The following CAMTA1 variants were observed in gnomAD, a reference collection of about 807,000 sequenced individuals.
CAMTA1 encodes calmodulin binding transcription activator 1.
Under a neutral mutation model 170.9 loss-of-function variants are expected in CAMTA1, and 27 were observed. That is an observed-to-expected ratio of 0.16 (90% CI 0.12 to 0.22). CAMTA1 has a LOEUF of 0.22. Among genes scored for constraint, CAMTA1 ranks in the 10% least tolerant of loss-of-function variants. CAMTA1 has a pLI of 1.00. For missense variants in CAMTA1, 1,619 were observed against 2,217.2 expected, an observed-to-expected ratio of 0.73 and a Z score of 5.42; for synonymous variants, 833 against 891.5, an observed-to-expected ratio of 0.93 and a Z score of 1.17.
At chr1:7,488,346 G>C (rs1290733413) in intron 6 of CAMTA1, among the ~76,000 whole-genome samples, 2 of 152,064 alleles carry the variant, frequency 1.3e-5, no homozygotes, top group African/African-American at 4.8e-5. Flanking sequence ...CCAGACCCTG[G>C]TGTCTGGCAC....
In CAMTA1 at chr1:6,994,029, TA is replaced by T. The variant is rs964915472; in HGVS notation, c.235-97273del. Among the ~76,000 whole-genome samples, 71 of 152,286 alleles carry T rather than the reference TA, an allele frequency of 4.7e-4. 1 individual carries two copies. The highest frequency in any genetic ancestry group is 1.7e-3 in the African/African-American group (70 of 41,536). ...CACTAGGGAATGTAATGTATATTCT[TA>T]ACTTTTCACAATCTACATGTAGTTA... On this transcript the variant is annotated intron_variant, in intron 3 of 22. Coordinates refer to ENST00000303635, the MANE Select transcript of CAMTA1 (RefSeq NM_015215.4).
At chr1:7,442,039 C>A (rs1009868938) in intron 5 of CAMTA1, among the ~76,000 whole-genome samples, 2 of 151,836 alleles carry the variant, frequency 1.3e-5, no homozygotes, top group Non-Finnish European at 2.9e-5. Flanking sequence ...CCCAGGACTT[C>A]CCCAGCGCTG....
chr1:7,527,909 C>T (rs1439839622), intron 6 of CAMTA1, among the ~76,000 whole-genome samples: 1 of 152,196 alleles, frequency 6.6e-6, no homozygotes, highest in Non-Finnish European at 1.5e-5. Flanking sequence ...GGACAAACAG[C>T]AGCACCAATG....
chr1:7,095,131 C>T (rs1319319504), intron 4 of CAMTA1, among the ~76,000 whole-genome samples: 1 of 150,234 alleles, frequency 6.7e-6, no homozygotes, highest in African/African-American at 2.5e-5. Flanking sequence ...CACACTGTGT[C>T]TGTCGCAGTT....
chr1:7,102,916 A>G (rs896554375), intron 4 of CAMTA1, among the ~76,000 whole-genome samples: 1 of 151,928 alleles, frequency 6.6e-6, no homozygotes, highest in African/African-American at 2.4e-5. Flanking sequence ...TCTTCTCTTT[A>G]CTCGGTGAAT....
At chr1:6,929,908 G>A (rs921037913) in intron 3 of CAMTA1, among the ~76,000 whole-genome samples, 5 of 152,176 alleles carry the variant, frequency 3.3e-5, no homozygotes, top group African/African-American at 4.8e-5. Context: ...CGGTCCATGA[G>A]CACCTAGGAG....
chr1:6,870,729 C>G (rs898238064), intron 3 of CAMTA1, among the ~76,000 whole-genome samples: 1 of 152,118 alleles, frequency 6.6e-6, no homozygotes, highest in African/African-American at 2.4e-5. Context: ...CTGCCATTTA[C>G]TCTTCTGTAT....
rs570099818 is a variant in CAMTA1, at chr1:7,424,778, G to A, written c.439-43052G>A. Among the ~76,000 whole-genome samples, 13 of 152,230 alleles carry A rather than the reference G, an allele frequency of 8.5e-5. No individual in the cohort carries two copies. The South Asian group carries it at 2.7e-3, about 32-fold the overall frequency. ...TTGCAGCTCGGATAAGGTGAAATGG[G>A]TCCTTGGCCAAGTTCAACAGTCTGG... On this transcript the variant is annotated intron_variant, in intron 5 of 22. Transcript: ENST00000303635.
intron 5 of CAMTA1, among the ~76,000 whole-genome samples, chr1:7,319,540 G>A (rs563964807): frequency 3.3e-5 from 5 of 152,248 alleles, no homozygotes; most frequent in Admixed American, 1.3e-4. Flanking sequence ...CTGTGGAACC[G>A]TGAGCCAATT....
chr1:7,550,735 C>T (rs1172207900), intron 6 of CAMTA1, among the ~76,000 whole-genome samples: 1 of 150,630 alleles, frequency 6.6e-6, no homozygotes, highest in African/African-American at 2.4e-5. Flanking sequence ...GACTCCTCCC[C>T]ACTGAACCCT....
intron 3 of CAMTA1, among the ~76,000 whole-genome samples, chr1:6,942,853 T>G (rs1030573485): frequency 2.0e-5 from 3 of 152,126 alleles, no homozygotes; most frequent in African/African-American, 7.2e-5. Flanking sequence ...GACACGATGT[T>G]TGCGTGTTTA....
At chr1:6,995,285 T>C (rs28826710) in intron 3 of CAMTA1, among the ~76,000 whole-genome samples, 1 of 140,166 alleles carries the variant, frequency 7.1e-6, no homozygotes, top group East Asian at 2.1e-4. Flanking sequence ...TAAAATCTTT[T>C]TTTTCTTTTC....
intron 11 of CAMTA1, among the ~76,000 whole-genome samples, chr1:7,714,059 C>T (rs1478847893): frequency 2.0e-5 from 3 of 152,066 alleles, no homozygotes; most frequent in Non-Finnish European, 4.4e-5. Context: ...CTTTCCACCA[C>T]GAATTGTGGA....
chr1:7,674,916 C>T lies in CAMTA1; in HGVS notation c.2780-2683C>T, dbSNP rs1558106147. 6.6e-6 allele frequency among the ~76,000 whole-genome samples: 1 copy of T among 152,210 alleles called. No individual in the cohort carries two copies. Among genetic ancestry groups the T allele is most frequent in the East Asian group, 1.9e-4 (1 of 5,202 alleles). On this transcript the variant is annotated intron_variant, in intron 10 of 22. Coordinates refer to ENST00000303635, the MANE Select transcript of CAMTA1 (RefSeq NM_015215.4). The surrounding 1 kb of genome is among the most constrained non-coding windows in gnomAD (Gnocchi z 4.1). ...TTGGCACTAGGCATGAAGATTAAGACAGAGCCAGTCCCAGCTCTCATGAGC... is the reference window on the plus strand; with the variant it reads ...TTGGCACTAGGCATGAAGATTAAGATAGAGCCAGTCCCAGCTCTCATGAGC...
At chr1:7,101,628 TTG>T (rs1337595648) in intron 4 of CAMTA1, among the ~76,000 whole-genome samples, 1 of 152,272 alleles carries the variant, frequency 6.6e-6, no homozygotes, top group Non-Finnish European at 1.5e-5. Context: ...TTGCTTTGCG[TTG>T]TGTGTGTGAG....
intron 3 of CAMTA1, among the ~76,000 whole-genome samples, chr1:6,890,448 C>G (rs1409657137): frequency 6.6e-6 from 1 of 152,170 alleles, no homozygotes; most frequent in Non-Finnish European, 1.5e-5. Flanking sequence ...CTTTGAGTGA[C>G]TGACTGGCAC....
rs750712112 is a variant in CAMTA1 at position 7,677,757 on chromosome 1, T to C, written c.2914+24T>C. ...CGGTAAGAACAGTGCTTGGGTCGTC[T>C]TGCCAGGCACCAAGGGAGAGGGATG... On this transcript the variant is annotated intron_variant, in intron 11 of 22. Transcript: ENST00000303635. 2.5e-6 allele frequency: 4 copies of C among 1,606,602 alleles called. No homozygotes were observed. In the Admixed American group the frequency reaches 6.8e-5, roughly 27 times the overall value.
At chr1:7,213,126 C>G (rs1214584313) in intron 4 of CAMTA1, among the ~76,000 whole-genome samples, 1 of 152,158 alleles carries the variant, frequency 6.6e-6, no homozygotes, top group African/African-American at 2.4e-5. Flanking sequence ...AGATAAATGC[C>G]TAGGAATGCA....
chr1:7,594,031 G>A (rs1260638827), intron 6 of CAMTA1, among the ~76,000 whole-genome samples: 4 of 137,618 alleles, frequency 2.9e-5, no homozygotes, highest in Admixed American at 2.9e-4. Context: ...AACAGAGTGA[G>A]ATTCTGTTAA....
Sources: allele counts gnomAD v4.1 joint callset (sites outside exome capture counted in the v4.1 genomes callset), GRCh38; gene constraint gnomAD v4.1.1; non-coding constraint Gnocchi (gnomAD v3.1); transcripts MANE v1.5; gene names NCBI Gene and HGNC (gene_info 2026-07-23, HGNC 2026-07-21).